Variants in EPHA6 observed in about 807,000 individuals in gnomAD.
EPHA6 encodes the protein EPH receptor A6.
In EPHA6, 50 loss-of-function variants were observed where a neutral mutation model predicts 112.0. The ratio of observed to expected loss-of-function variants is 0.45; its 90% confidence interval spans 0.36 to 0.56. The LOEUF (loss-of-function observed/expected upper bound fraction) is 0.56. Ranked by LOEUF, EPHA6 falls within the 20% of genes least tolerant of loss-of-function variation. The pLI is 0.00. For missense variants in EPHA6, 1,280 were observed against 1,417.4 expected (o/e 0.90, Z 1.56); for synonymous variants, 529 against 490.7 (o/e 1.08, Z -1.03).
chr3:96,905,220 A>G (rs937555710), intron 2 of EPHA6, among the ~76,000 whole-genome samples: 5 of 152,130 alleles, frequency 3.3e-5, no homozygotes, highest in Admixed American at 6.6e-5. Context: ...CAAATTATAG[A>G]TATTTTGTGA....
intron 3 of EPHA6, among the ~76,000 whole-genome samples, chr3:96,997,953 G>A (rs1010893299): frequency 6.6e-6 from 1 of 151,926 alleles, no homozygotes; most frequent in Admixed American, 6.6e-5. Context: ...ATTATAGTTT[G>A]TTCTTTGTCA....
chr3:97,445,074 A>AT (rs935581719), intron 6 of EPHA6, among the ~76,000 whole-genome samples: 24 of 151,472 alleles, frequency 1.6e-4, no homozygotes, highest in South Asian at 1.0e-3. Context: ...GTTCCAAACT[A>AT]TTTTTTTTTA....
At chr3:97,700,019 G>GA (rs1229409715) in intron 14 of EPHA6, among the ~76,000 whole-genome samples, 1 of 152,188 alleles carries the variant, frequency 6.6e-6, no homozygotes, top group Non-Finnish European at 1.5e-5. Flanking sequence ...TGGATGGAGG[G>GA]AAAATGGAAG....
intron 7 of EPHA6, among the ~76,000 whole-genome samples, chr3:97,455,883 T>C (rs2090667314): frequency 6.6e-6 from 1 of 151,988 alleles, no homozygotes; most frequent in South Asian, 2.1e-4. Flanking sequence ...ATTTCAATTA[T>C]GCCTAGATCA....
At chr3:97,623,840 C>T (rs1189046630) in intron 13 of EPHA6, among the ~76,000 whole-genome samples, 4 of 151,652 alleles carry the variant, frequency 2.6e-5, no homozygotes, top group African/African-American at 4.8e-5. Flanking sequence ...TTTCTGGGCT[C>T]TCTAATCTAT....
At chr3:97,562,024 GA>G (rs925063826) in intron 11 of EPHA6, among the ~76,000 whole-genome samples, 1 of 152,026 alleles carries the variant, frequency 6.6e-6, no homozygotes, top group Non-Finnish European at 1.5e-5. Context: ...CTACTGGTCA[GA>G]AAAAAAGATT....
intron 2 of EPHA6, among the ~76,000 whole-genome samples, chr3:96,886,153 T>G (rs2037606742): frequency 6.6e-6 from 1 of 152,222 alleles, no homozygotes; most frequent in South Asian, 2.1e-4. Context: ...ATTCTTCAGC[T>G]GTTGGGTGAA....
At chr3:97,283,769 AAAT>A (rs1034636649) in intron 5 of EPHA6, among the ~76,000 whole-genome samples, 3 of 152,186 alleles carry the variant, frequency 2.0e-5, no homozygotes, top group African/African-American at 7.2e-5. Context: ...AACTTAAAAT[AAAT>A]AATAATAATG....
intron 2 of EPHA6, among the ~76,000 whole-genome samples, chr3:96,898,680 T>C (rs2038418137): frequency 6.6e-6 from 1 of 152,186 alleles, no homozygotes; most frequent in Non-Finnish European, 1.5e-5. Flanking sequence ...TATTTTGTTA[T>C]GTATTAGTAT....
intron 5 of EPHA6, among the ~76,000 whole-genome samples, chr3:97,324,405 T>TTTTCTTTCTC (rs2082270915): frequency 2.9e-5 from 3 of 104,492 alleles, no homozygotes; most frequent in Non-Finnish European, 3.9e-5. Flanking sequence ...GCTTTCCTTC[T>TTTTCTTTCTC]TTTCTTTCTT....
chr3:96,961,584 TAGA>T (rs1276847804), intron 2 of EPHA6, among the ~76,000 whole-genome samples: 14 of 152,216 alleles, frequency 9.2e-5, no homozygotes, highest in Non-Finnish European at 7.3e-5. Flanking sequence ...TCCTTTGCTA[TAGA>T]AGAATAACTT....
chr3:97,588,121 A>G (rs913487568), intron 11 of EPHA6, among the ~76,000 whole-genome samples: 1 of 152,196 alleles, frequency 6.6e-6, no homozygotes, highest in African/African-American at 2.4e-5. Context: ...CATAGCAATT[A>G]CTAAAGGATG....
chr3:97,561,345 T>C (rs539045263), intron 11 of EPHA6, among the ~76,000 whole-genome samples: 1 of 152,072 alleles, frequency 6.6e-6, no homozygotes, highest in East Asian at 1.9e-4. Flanking sequence ...AGGGAGTATT[T>C]TGAAGAAAAA....
At chr3:97,485,588 T>A (rs2091679773) in intron 10 of EPHA6, among the ~76,000 whole-genome samples, 1 of 152,212 alleles carries the variant, frequency 6.6e-6, no homozygotes, top group South Asian at 2.1e-4. Flanking sequence ...ATGTTCATAA[T>A]CTTTATGTTC....
intron 3 of EPHA6, among the ~76,000 whole-genome samples, chr3:96,994,762 G>GAGAGAGAGAGAGAGAT (rs2043354028): frequency 7.6e-6 from 1 of 131,388 alleles, no homozygotes; most frequent in African/African-American, 2.9e-5. Flanking sequence ...GAGAGAGAGA[G>GAGAGAGAGAGAGAGAT]CTATATATAT....
chr3:97,278,575 A>T (rs937638017), intron 5 of EPHA6, among the ~76,000 whole-genome samples: 1 of 152,214 alleles, frequency 6.6e-6, no homozygotes, highest in Non-Finnish European at 1.5e-5. Flanking sequence ...AAGAACTTGA[A>T]CATGGAGGAT....
At chr3:97,136,852 T>G (rs1235524075) in intron 3 of EPHA6, among the ~76,000 whole-genome samples, 2 of 152,120 alleles carry the variant, frequency 1.3e-5, no homozygotes, top group African/African-American at 4.8e-5. Flanking sequence ...AAATATAAAT[T>G]TTAACACCAA....
At chr3:97,289,477 A>G (rs1323018018) in intron 5 of EPHA6, among the ~76,000 whole-genome samples, 1 of 151,978 alleles carries the variant, frequency 6.6e-6, no homozygotes, top group African/African-American at 2.4e-5. Context: ...TTTTGGTTAC[A>G]GTAGTCTTAT....
intron 5 of EPHA6, among the ~76,000 whole-genome samples, chr3:97,275,278 C>T (rs934922498): frequency 2.6e-5 from 4 of 152,010 alleles, no homozygotes; most frequent in Non-Finnish European, 4.4e-5. Flanking sequence ...GAGAATTATG[C>T]CGAGATAGGT....
Sources: gnomAD v4.1 joint callset for allele counts (sites outside exome capture counted in the v4.1 genomes callset) on GRCh38, gnomAD v4.1.1 for gene constraint, MANE v1.5 for transcripts, NCBI Gene and HGNC (gene_info 2026-07-23, HGNC 2026-07-21) for gene names.